Variants in CDH9 observed in about 807,000 individuals in gnomAD.
The protein encoded by CDH9 is cadherin-9.
CDH9 carries 28 observed loss-of-function variants against 70.9 expected under a neutral mutation model. The ratio of observed to expected loss-of-function variants is 0.40; its 90% CI spans 0.29 to 0.54. The LOEUF (loss-of-function observed/expected upper bound fraction) is 0.54. CDH9 is among the 20% of genes least tolerant of loss of function. The pLI, the probability that CDH9 is intolerant of heterozygous loss-of-function variation, is 0.59. For synonymous variants in CDH9, 409 were observed against 343.1 expected (o/e 1.19, Z -2.12); for missense variants, 874 against 984.4 (o/e 0.89, Z 1.50).
At chr5:26,939,483 C>T (rs1252320503) in intron 2 of CDH9, among the ~76,000 whole-genome samples, 1 of 151,374 alleles carries the variant, frequency 6.6e-6, no homozygotes, top group Non-Finnish European at 1.5e-5. Flanking sequence ...TATACTGTCT[C>T]TACTGTTAAT....
chr5:27,026,035 C>T (rs1005929502), intron 1 of CDH9, among the ~76,000 whole-genome samples: 1 of 151,824 alleles, frequency 6.6e-6, no homozygotes, highest in African/African-American at 2.4e-5. Flanking sequence ...AATTTTAATA[C>T]TTTATAGTAG....
rs1257916121 is a variant in CDH9, at chr5:26,885,210, G to C, written c.1882+404C>G. Among the ~76,000 whole-genome samples the C allele has an allele frequency of 2.0e-5, 3 of 152,232 alleles. No homozygotes were observed. In the East Asian group the frequency reaches 5.8e-4, roughly 30 times the overall value. ...TAGAGTAATCTGTGTTTGAATACTA[G>C]CTAAAGCTTTTCCTAAATGAGTGAC... On this transcript the variant is annotated intron_variant, in intron 11 of 11. Coordinates refer to ENST00000231021, the MANE Select transcript of CDH9 (RefSeq NM_016279.4).
intron 2 of CDH9, among the ~76,000 whole-genome samples, 175 bp downstream of exon 2, chr5:26,987,931 T>C (rs1383961920): frequency 6.6e-6 from 1 of 152,130 alleles, no homozygotes; most frequent in Non-Finnish European, 1.5e-5. Flanking sequence ...GATTTACATT[T>C]AGAACCCAAA....
intron 2 of CDH9, among the ~76,000 whole-genome samples, chr5:26,945,548 A>AT (rs1221230019): frequency 2.6e-5 from 4 of 151,994 alleles, no homozygotes; most frequent in Non-Finnish European, 5.9e-5. Context: ...TTTAGTTCCA[A>AT]TGTTTTATGT....
intron 1 of CDH9, among the ~76,000 whole-genome samples, chr5:26,994,034 C>T (rs1742626010): frequency 6.6e-6 from 1 of 152,166 alleles, no homozygotes; most frequent in Non-Finnish European, 1.5e-5. Context: ...TCATCCTTTC[C>T]TTCTTTCTTA....
chr5:26,893,328 C>T (rs1180447224), intron 7 of CDH9, among the ~76,000 whole-genome samples: 3 of 152,080 alleles, frequency 2.0e-5, no homozygotes, highest in Admixed American at 2.0e-4. Context: ...TATTTGGTGT[C>T]ATCTCAGTGG....
chr5:27,006,751 C>A (rs1181248087), intron 1 of CDH9, among the ~76,000 whole-genome samples: 1 of 152,076 alleles, frequency 6.6e-6, no homozygotes, highest in Non-Finnish European at 1.5e-5. Context: ...GTGAATAGAT[C>A]ATGCTGCTCC....
intron 3 of CDH9, among the ~76,000 whole-genome samples, chr5:26,908,138 T>A (rs922349557): frequency 6.6e-6 from 1 of 152,200 alleles, no homozygotes; most frequent in Non-Finnish European, 1.5e-5. Context: ...TCTTGAGGCC[T>A]CTGTTTTCTC....
intron 2 of CDH9, among the ~76,000 whole-genome samples, chr5:26,956,800 G>A (rs1262523856): frequency 2.0e-5 from 3 of 152,040 alleles, no homozygotes; most frequent in Admixed American, 2.0e-4. Flanking sequence ...CCCAGTTTCA[G>A]TCATGCTGTT....
intron 1 of CDH9, among the ~76,000 whole-genome samples, chr5:27,007,508 A>G (rs192947221): frequency 6.6e-6 from 1 of 152,270 alleles, no homozygotes; most frequent in African/African-American, 2.4e-5. Flanking sequence ...TCAAGAGTTT[A>G]TTATGAATTT....
chr5:26,914,431 A>C (rs1741113646), intron 3 of CDH9, among the ~76,000 whole-genome samples: 1 of 152,016 alleles, frequency 6.6e-6, no homozygotes, highest in Non-Finnish European at 1.5e-5. Flanking sequence ...GATACTAAAA[A>C]ATATAACAGG....
chr5:26,906,094 T>G lies in CDH9; in HGVS notation c.676A>C (p.Arg226=), dbSNP rs758188211. ...IIKTALPDMS[R]ENREQYQVVI... ...ACCTGGTACTGCTCTCTATTTTCTCTGCTCATGTCTGGTAATGCAGTTTTT... is the reference window on the plus strand; with the variant it reads ...ACCTGGTACTGCTCTCTATTTTCTCGGCTCATGTCTGGTAATGCAGTTTTT... The change falls in exon 5 of 12, where the codon AGA becomes CGA. Residue 226 remains arginine (R), a synonymous_variant. Transcript: ENST00000231021. The G allele has an allele frequency of 4.3e-6, 7 of 1,613,204 alleles. No homozygotes were observed. Among genetic ancestry groups the G allele is most frequent in the Middle Eastern group, 1.6e-4 (1 of 6,082 alleles).
chr5:26,976,396 T>G (rs1263533816), intron 2 of CDH9, among the ~76,000 whole-genome samples: 3 of 152,186 alleles, frequency 2.0e-5, no homozygotes, highest in African/African-American at 4.8e-5. Context: ...ACAGGCATAT[T>G]GATTGTGATA....
chr5:26,977,299 T>C (rs182809820), intron 2 of CDH9, among the ~76,000 whole-genome samples: 8 of 152,030 alleles, frequency 5.3e-5, no homozygotes, highest in Admixed American at 2.6e-4. Flanking sequence ...AGTGATCTTC[T>C]AAAGGAGGAC....
At chr5:27,023,058 T>C (rs1480175783) in intron 1 of CDH9, among the ~76,000 whole-genome samples, 1 of 152,048 alleles carries the variant, frequency 6.6e-6, no homozygotes, top group Non-Finnish European at 1.5e-5. Context: ...CTTAGATGTC[T>C]TCTAGCCTCT....
chr5:26,948,802 T>A (rs1437002905), intron 2 of CDH9, among the ~76,000 whole-genome samples: 1 of 152,206 alleles, frequency 6.6e-6, no homozygotes, highest in Non-Finnish European at 1.5e-5. Context: ...AAAAAGGCTA[T>A]ATCTATGGAT....
chr5:27,008,931 A>T (rs891904942), intron 1 of CDH9, among the ~76,000 whole-genome samples: 1 of 152,290 alleles, frequency 6.6e-6, no homozygotes, highest in East Asian at 1.9e-4. Flanking sequence ...CAGAATTGAC[A>T]CTCATGGATT....
chr5:26,996,326 A>G (rs576583195), intron 1 of CDH9, among the ~76,000 whole-genome samples: 1 of 152,168 alleles, frequency 6.6e-6, no homozygotes, highest in Admixed American at 6.5e-5. Context: ...ACGGTCATAT[A>G]ATTTAAATAT....
intron 2 of CDH9, among the ~76,000 whole-genome samples, chr5:26,973,490 C>A (rs1480750561): frequency 5.3e-5 from 8 of 151,800 alleles, no homozygotes; most frequent in Admixed American, 5.3e-4. Context: ...CAGCACAAGA[C>A]ATATTAATAA....
Sources: allele counts gnomAD v4.1 joint callset (sites outside exome capture counted in the v4.1 genomes callset), GRCh38; gene constraint gnomAD v4.1.1; transcripts MANE v1.5; gene names NCBI Gene and HGNC (gene_info 2026-07-23, HGNC 2026-07-21).